The following FOSL2 variants were observed in gnomAD, a reference collection of about 807,000 sequenced individuals.
The protein encoded by FOSL2 is FOS like 2, AP-1 transcription factor subunit.
Under a neutral mutation model 27.7 loss-of-function variants are expected in FOSL2, and 3 were observed. The observed-to-expected ratio is 0.11, with a 90% confidence interval of 0.05 to 0.28. The LOEUF (loss-of-function observed/expected upper bound fraction) is 0.28. FOSL2 is among the 10% of genes least tolerant of loss of function. The probability of loss-of-function intolerance (pLI) is 1.00; values close to 1 mark genes in which losing one functional copy is unlikely to be tolerated. For missense variants in FOSL2, 333 were observed against 445.1 expected (o/e 0.75, Z 2.27); for synonymous variants, 179 against 190.1 (o/e 0.94, Z 0.48).
chr2:28,403,294 T>G (rs763959738), intron 1 of FOSL2, among the ~76,000 whole-genome samples: 9 of 152,196 alleles, frequency 5.9e-5, no homozygotes, highest in Non-Finnish European at 1.3e-4. Context: ...TCCAGAGAGC[T>G]CTGCAACGTG....
Position 28,412,494 on chromosome 2 carries a change from C to G in FOSL2, c.*46C>G, listed in dbSNP as rs1369430427. The G allele has an allele frequency of 2.5e-6, 4 of 1,571,100 alleles. No homozygotes were observed. In the East Asian group the frequency reaches 9.0e-5, roughly 35 times the overall value. On this transcript the variant is annotated 3_prime_UTR_variant, in exon 4 of 4. Transcript: ENST00000264716. This position sits in a 1 kb window ranked among gnomAD's most constrained non-coding sequence, Gnocchi z 7.1. ...AGCTCCGGAGGGGGTCCTCCTCGCT[C>G]CTCCTTCCCAGGGACCAGCACCTTC...
rs1376820836 is a variant in FOSL2 at position 28,416,395 on chromosome 2, A to AT, written c.*3948dup. Reference sequence around the variant, plus strand: ...TATTTTAAATGTTTACATCTTCTTTATGTTGTATCAAGCCTGAATAGAAAC... The same window carrying AT: ...TATTTTAAATGTTTACATCTTCTTTATTGTTGTATCAAGCCTGAATAGAAAC... On this transcript the variant is annotated 3_prime_UTR_variant, in exon 4 of 4. Coordinates refer to ENST00000264716, the MANE Select transcript of FOSL2 (RefSeq NM_005253.4). The AT allele has an allele frequency of 2.0e-5, 3 of 150,962 alleles. No homozygotes were observed. The highest frequency in any genetic ancestry group is 7.3e-5 in the African/African-American group (3 of 41,114). The allele number at this position is 150,962 out of a possible 1,614,324, so 9.4% of individuals were successfully genotyped here. A position where few individuals can be genotyped will look rare whatever the true frequency, so the allele number is the denominator to read the frequency against.
chr2:28,410,666 C>T, intron 3 of FOSL2: 1 of 350,164 alleles, frequency 2.9e-6, no homozygotes, highest in Non-Finnish European at 4.0e-6. Flanking sequence ...CACAGCGGCC[C>T]CTCCACGTGC....
At position 28,415,964 on chromosome 2, in the gene FOSL2, A is replaced by AG. The variant is rs948161336; in HGVS notation, c.*3520dup. 6.6e-6 allele frequency: 1 copy of AG among 152,150 alleles called. No homozygotes were observed. Among genetic ancestry groups the AG allele is most frequent in the African/African-American group, 2.4e-5 (1 of 41,422 alleles). 9.4% of individuals were successfully genotyped at this position (152,150 alleles called of 1,614,324 possible). On this transcript the variant is annotated 3_prime_UTR_variant, in exon 4 of 4. Transcript: ENST00000264716. ...TCCCGTGCACTCCTCAGATGGTCAG[A>AG]GGGGTAACCCAAGTCCTTAGAGAAT...
rs1436592476 is a variant in FOSL2 at position 28,412,196 on chromosome 2, C to G, written c.729C>G (p.Arg243=). The G allele has an allele frequency of 6.2e-7, 1 of 1,612,350 alleles. No homozygotes were observed. The highest frequency in any genetic ancestry group is 8.5e-7 in the Non-Finnish European group (1 of 1,179,372). Residue 243 remains arginine (R), a synonymous_variant, in exon 4 of 4, where the codon CGC becomes CGG. Coordinates refer to ENST00000264716, the MANE Select transcript of FOSL2 (RefSeq NM_005253.4). This position sits in a 1 kb window ranked among gnomAD's most constrained non-coding sequence, Gnocchi z 7.1. ...SSSAGLDKAQ[R]SVIKPISIAG... is the part of the protein sequence containing the mutation. ...CGGCGGGGCTGGACAAGGCCCAGCG[C>G]TCTGTCATCAAGCCCATCAGCATTG...
intron 2 of FOSL2, among the ~76,000 whole-genome samples, chr2:28,406,602 G>C (rs542180218): frequency 1.3e-5 from 2 of 152,210 alleles, no homozygotes; most frequent in African/African-American, 4.8e-5. Flanking sequence ...CCACCTAGGC[G>C]TGCCTCATAC....
At chr2:28,397,764 G>C (rs569983013) in intron 1 of FOSL2, among the ~76,000 whole-genome samples, 2 of 152,288 alleles carry the variant, frequency 1.3e-5, no homozygotes, top group East Asian at 3.9e-4. Flanking sequence ...TTATCTGAAT[G>C]CTGCGGCTAT....
Position 28,393,658 on chromosome 2 carries a change from C to A in FOSL2, c.-63C>A. 1.6e-6 allele frequency: 2 copies of A among 1,282,720 alleles called. No individual in the cohort carries two copies. Among genetic ancestry groups the A allele is most frequent in the Non-Finnish European group, 2.2e-6 (2 of 912,942 alleles). 79.5% of individuals were successfully genotyped at this position (1,282,720 alleles called of 1,614,324 possible). On this transcript the variant is annotated 5_prime_UTR_variant, in exon 1 of 4. Transcript: ENST00000264716. This position sits in a 1 kb window ranked among gnomAD's most constrained non-coding sequence, Gnocchi z 4.6. ...GAACGAGCGCGCAGCAGCCGGTGCGCGGCCGCGGCGAGGGCGGGGGAAGAA... is the reference window on the plus strand; with the variant it reads ...GAACGAGCGCGCAGCAGCCGGTGCGAGGCCGCGGCGAGGGCGGGGGAAGAA...
In FOSL2 at chr2:28,408,916, G is replaced by C. The variant is rs1353790178; in HGVS notation, c.462+50G>C. The stretch of plus-strand genomic sequence containing the variant: ...AGCACCTCTGGGTGGGCTGGAGTGA[G>C]AGCCCCGGGGGTCCTGATCCTCTCT... On this transcript the variant is annotated intron_variant, in intron 3 of 3. Transcript: ENST00000264716. The surrounding 1 kb of genome is among the most constrained non-coding windows in gnomAD (Gnocchi z 4.1). 1.5e-6 allele frequency: 2 copies of C among 1,305,108 alleles called. No homozygotes were observed. Among genetic ancestry groups the C allele is most frequent in the Non-Finnish European group, 2.1e-6 (2 of 939,448 alleles). The allele number at this position is 1,305,108 out of a possible 1,614,324, so 80.8% of individuals were successfully genotyped here.
rs1664232437 is a variant in FOSL2, at chr2:28,412,876, T to C, written c.*428T>C. ...ACCTTCCCTCGACTTGACCCTTTCC[T>C]CCCCCAGCGTCAGTTTCACTCCCTC... is the stretch of plus-strand genomic sequence containing the variant. On this transcript the variant is annotated 3_prime_UTR_variant, in exon 4 of 4. Transcript: ENST00000264716. The surrounding 1 kb of genome is among the most constrained non-coding windows in gnomAD (Gnocchi z 7.1). 1.2e-5 allele frequency: 2 copies of C among 167,854 alleles called. No individual in the cohort carries two copies. Among genetic ancestry groups the C allele is most frequent in the Non-Finnish European group, 2.5e-5 (2 of 78,866 alleles). The allele number at this position is 167,854 out of a possible 1,614,324, so 10.4% of individuals were successfully genotyped here.
intron 1 of FOSL2, among the ~76,000 whole-genome samples, chr2:28,400,381 A>T (rs1480118573): frequency 2.6e-5 from 4 of 152,214 alleles, no homozygotes. Context: ...TTCTGGGACC[A>T]CAAACTCCTA....
intron 1 of FOSL2, chr2:28,394,671 C>T (rs1482433590): frequency 1.3e-5 from 2 of 152,332 alleles, no homozygotes; most frequent in Non-Finnish European, 2.9e-5. Flanking sequence ...CTGGTTTGCA[C>T]TGGAGGGATT....
chr2:28,412,232 C>T lies in FOSL2; in HGVS notation c.765C>T (p.Phe255=). The T allele has an allele frequency of 1.2e-6, 2 of 1,613,866 alleles. No homozygotes were observed. Among genetic ancestry groups the T allele is most frequent in the Non-Finnish European group, 1.7e-6 (2 of 1,179,950 alleles). The change falls in exon 4 of 4, where the codon TTC becomes TTT. Residue 255 remains phenylalanine (F), a synonymous_variant. Coordinates refer to ENST00000264716, the MANE Select transcript of FOSL2 (RefSeq NM_005253.4). The surrounding 1 kb of genome is among the most constrained non-coding windows in gnomAD (Gnocchi z 7.1). ...VIKPISIAGG[F]YGEEPLHTPI... ...AGCCCATCAGCATTGCTGGGGGCTT[C>T]TACGGTGAGGAGCCCCTGCACACCC...
rs1663722934 is a variant in FOSL2 at position 28,393,454 on chromosome 2, TAGAG to T, written c.-266_-263del. ...GGGACCGAGAGACGCGCCGACTTTT[TAGAG>T]GGAGGGATCGGGTGGACAACTGGTC... On this transcript the variant is annotated 5_prime_UTR_variant, in exon 1 of 4. Transcript: ENST00000264716. This position sits in a 1 kb window ranked among gnomAD's most constrained non-coding sequence, Gnocchi z 4.6. 2.4e-6 allele frequency: 1 copy of T among 421,020 alleles called. No homozygotes were observed. Among genetic ancestry groups the T allele is most frequent in the African/African-American group, 2.1e-5 (1 of 46,822 alleles). The allele number at this position is 421,020 out of a possible 1,614,324, so 26.1% of individuals were successfully genotyped here. A position where few individuals can be genotyped will look rare whatever the true frequency, so the allele number is the denominator to read the frequency against.
At position 28,414,823 on chromosome 2, in the gene FOSL2, A is replaced by AC. The variant is rs1440991094; in HGVS notation, c.*2376dup. On this transcript the variant is annotated 3_prime_UTR_variant, in exon 4 of 4. Coordinates refer to ENST00000264716, the MANE Select transcript of FOSL2 (RefSeq NM_005253.4). The stretch of plus-strand genomic sequence containing the variant: ...TGGTGTTGGGACCAGCAGAAGGCAA[A>AC]CGTCCAGCCAACACACAGGACTGTA... 1 of 152,152 alleles carries AC rather than the reference A, an allele frequency of 6.6e-6. No homozygotes were observed. Among genetic ancestry groups the AC allele is most frequent in the Non-Finnish European group, 1.5e-5 (1 of 68,030 alleles). The allele number at this position is 152,152 out of a possible 1,614,324, so 9.4% of individuals were successfully genotyped here.
At chr2:28,399,486 G>A (rs1172888750) in intron 1 of FOSL2, among the ~76,000 whole-genome samples, 10 of 152,160 alleles carry the variant, frequency 6.6e-5, no homozygotes, top group South Asian at 6.2e-4. Flanking sequence ...GTTTTCGGCC[G>A]TCTTTCTCAT....
rs915504336 is a variant in FOSL2, at chr2:28,393,524, C to G, written c.-197C>G. On this transcript the variant is annotated 5_prime_UTR_variant, in exon 1 of 4. Transcript: ENST00000264716. This position sits in a 1 kb window ranked among gnomAD's most constrained non-coding sequence, Gnocchi z 4.6. ...AGCCGGAAAGAAGTGCTGTAAGGGACGCTCGGGGGACGCTGTTCCTGAGGT... is the reference window on the plus strand; with the variant it reads ...AGCCGGAAAGAAGTGCTGTAAGGGAGGCTCGGGGGACGCTGTTCCTGAGGT... 6 of 549,784 alleles carry G rather than the reference C, an allele frequency of 1.1e-5. No homozygotes were observed. In the East Asian group the frequency reaches 2.0e-4, roughly 19 times the overall value. 34.1% of individuals were successfully genotyped at this position (549,784 alleles called of 1,614,324 possible). A position where few individuals can be genotyped will look rare whatever the true frequency, so the allele number is the denominator to read the frequency against.
At position 28,415,095 on chromosome 2, in the gene FOSL2, T is replaced by A. The variant is rs1664285973; in HGVS notation, c.*2647T>A. The stretch of plus-strand genomic sequence containing the variant: ...GCTCCAGCTATGGGAACAGCTGCAT[T>A]GGGGCTGCCTTTCTGTTTGGCTTAG... On this transcript the variant is annotated 3_prime_UTR_variant, in exon 4 of 4. Transcript: ENST00000264716. 6.6e-6 allele frequency: 1 copy of A among 152,280 alleles called. No homozygotes were observed. Among genetic ancestry groups the A allele is most frequent in the Admixed American group, 6.5e-5 (1 of 15,280 alleles). The allele number at this position is 152,280 out of a possible 1,614,324, so 9.4% of individuals were successfully genotyped here. A position where few individuals can be genotyped will look rare whatever the true frequency, so the allele number is the denominator to read the frequency against.
At chr2:28,405,186 C>A (rs1664051597) in intron 2 of FOSL2, among the ~76,000 whole-genome samples, 1 of 152,158 alleles carries the variant, frequency 6.6e-6, no homozygotes, top group African/African-American at 2.4e-5. Context: ...AAATCAGAAT[C>A]ATGCATAATT....
Sources: allele counts gnomAD v4.1 joint callset (sites outside exome capture counted in the v4.1 genomes callset), GRCh38; gene constraint gnomAD v4.1.1; non-coding constraint Gnocchi (gnomAD v3.1); transcripts MANE v1.5; gene names NCBI Gene and HGNC (gene_info 2026-07-23, HGNC 2026-07-21).